The following TECPR1 variants were observed in gnomAD, a reference collection of about 807,000 sequenced individuals.
TECPR1 encodes tectonin beta-propeller repeat-containing protein 1.
Under a neutral mutation model 162.4 loss-of-function variants are expected in TECPR1, and 122 were observed. The observed-to-expected ratio is 0.75, with a 90% CI of 0.65 to 0.87. TECPR1 has a LOEUF of 0.87. Ranked by LOEUF, TECPR1 falls within the 40% of genes least tolerant of loss-of-function variation. The probability of loss-of-function intolerance (pLI) is 0.00; values close to 1 mark genes in which losing one functional copy is unlikely to be tolerated. For missense variants in TECPR1, 1,432 were observed against 1,618.2 expected, an observed-to-expected ratio of 0.88 and a Z score of 1.97; for synonymous variants, 642 against 670.6, an observed-to-expected ratio of 0.96 and a Z score of 0.66.
rs199727325 is a variant in TECPR1 at position 98,232,960 on chromosome 7, G to A, written c.1685C>T (p.Ser562Leu). The A allele has an allele frequency of 1.3e-4, 204 of 1,611,190 alleles. No homozygotes were observed. The African/African-American group carries it at 2.2e-3, about 17-fold the overall frequency. Residue 562 changes from serine (S) to leucine (L), a missense_variant, in exon 12 of 26, where the codon TCG (serine) becomes TTG (leucine). Coordinates refer to ENST00000447648, the MANE Select transcript of TECPR1 (RefSeq NM_015395.3). This position sits in a 1 kb window ranked among gnomAD's most constrained non-coding sequence, Gnocchi z 4.6. ...WFTVQAGLSSSVHMLSLSITP... is the reference protein window; with the variant it reads ...WFTVQAGLSSLVHMLSLSITP... ...GATGGACAGGGACAGCATGTGTACC[G>A]AGGAGGACAGGCCTGTGGGGCAGAG...
At chr7:98,225,507 C>T (rs1449366629) in intron 17 of TECPR1, among the ~76,000 whole-genome samples, 1 of 151,434 alleles carries the variant, frequency 6.6e-6, no homozygotes, top group African/African-American at 2.4e-5. Flanking sequence ...TACGCCACTG[C>T]ACTCCAGCCT....
chr7:98,231,742 C>A, intron 13 of TECPR1, 62 bp downstream of exon 13: 1 of 1,570,710 alleles, frequency 6.4e-7, no homozygotes, highest in Admixed American at 1.7e-5. Flanking sequence ...CTGTACCCCT[C>A]CTCTAGCACC....
chr7:98,246,647 T>C (rs1321500420), intron 2 of TECPR1, among the ~76,000 whole-genome samples: 32 of 151,768 alleles, frequency 2.1e-4, no homozygotes, highest in Non-Finnish European at 8.8e-5. Flanking sequence ...AATGGCACGA[T>C]CTTGGGATCT....
At chr7:98,242,029 G>A (rs1798762735) in intron 6 of TECPR1, among the ~76,000 whole-genome samples, 1 of 152,172 alleles carries the variant, frequency 6.6e-6, no homozygotes, top group African/African-American at 2.4e-5. Context: ...GCATCCAGAT[G>A]GCCATGGCCC....
chr7:98,219,485 A>C (rs998434266), intron 23 of TECPR1, among the ~76,000 whole-genome samples: 1 of 152,274 alleles, frequency 6.6e-6, no homozygotes, highest in African/African-American at 2.4e-5. Flanking sequence ...CAAACTATGC[A>C]ACTGACAAAG....
intron 15 of TECPR1, 61 bp downstream of exon 15, chr7:98,230,900 G>A (rs1584335370): frequency 6.4e-7 from 1 of 1,557,056 alleles, no homozygotes; most frequent in Non-Finnish European, 8.7e-7. Context: ...TCCCCCTTCT[G>A]TAACCACGAG....
chr7:98,246,266 T>TTC, intron 2 of TECPR1, 101 bp from the exon 3 acceptor site: 1 of 734,094 alleles, frequency 1.4e-6, no homozygotes, highest in Non-Finnish European at 2.1e-6. Flanking sequence ...TTTATTCTTT[T>TTC]TCTCTTTTTT....
At chr7:98,234,079 G>A (rs1798529581) in intron 10 of TECPR1, among the ~76,000 whole-genome samples, 168 bp from the exon 11 acceptor site, 1 of 152,248 alleles carries the variant, frequency 6.6e-6, no homozygotes, top group Admixed American at 6.5e-5. Flanking sequence ...ATCAGCACCT[G>A]CTTCCAGGGA....
Position 98,217,704 on chromosome 7 carries a change from G to A in TECPR1, c.3372C>T (p.Asp1124=). Residue 1124 remains aspartate, a synonymous_variant, in exon 25 of 26, where the codon GAC becomes GAT. Coordinates refer to ENST00000447648, the MANE Select transcript of TECPR1 (RefSeq NM_015395.3). ...GGGCCCCGCTCACCCCGATGCCGTA[G>A]TCCCAGCCGTGGCCCTTGGGCTCGT... ...QPHEPKGHGW[D]YGIGGGWDHI... is the part of the protein sequence containing the mutation. 6.5e-7 allele frequency: 1 copy of A among 1,545,914 alleles called. No individual in the cohort carries two copies. The highest frequency in any genetic ancestry group is 8.7e-7 in the Non-Finnish European group (1 of 1,144,422).
In TECPR1 at chr7:98,236,836, G is replaced by C. The variant is rs1466275667; in HGVS notation, c.1121C>G (p.Ala374Gly). Residue 374 changes from alanine (A) to glycine (G), a missense_variant, in exon 10 of 26, where the codon GCC (alanine) becomes GGC (glycine). By Grantham distance (60) the Ala-to-Gly change is moderately conservative (BLOSUM62 0). Coordinates refer to ENST00000447648, the MANE Select transcript of TECPR1 (RefSeq NM_015395.3). ...GTCACACTCTCGGGCCGCGATGATG[G>C]CTTTCCAGGTCTTCCCACTGAGCTC... Reference protein sequence around the residue: ...PSELSGKTWKAIIAARECDRS... With the variant: ...PSELSGKTWKGIIAARECDRS... 1.3e-6 allele frequency: 2 copies of C among 1,588,342 alleles called. No individual in the cohort carries two copies. The highest frequency in any genetic ancestry group is 2.3e-5 in the South Asian group (2 of 86,790).
intron 3 of TECPR1, 79 bp downstream of exon 3, chr7:98,245,843 T>A: frequency 7.5e-7 from 1 of 1,329,220 alleles, no homozygotes. Context: ...GGCCTCTATT[T>A]CCCTTCTGTG....
chr7:98,215,079 C>T lies in TECPR1; in HGVS notation c.*2311G>A, dbSNP rs542706134. ...TTTATCCCGTGGGGAGCCCCTGCCT[C>T]GGCCATCGGGATGAGGTCCCTCAAG... On this transcript the variant is annotated 3_prime_UTR_variant, in exon 26 of 26. Coordinates refer to ENST00000447648, the MANE Select transcript of TECPR1 (RefSeq NM_015395.3). The T allele has an allele frequency of 9.2e-5, 14 of 152,340 alleles. No individual in the cohort carries two copies. The highest frequency in any genetic ancestry group is 2.1e-4 in the Non-Finnish European group (14 of 68,124). 9.4% of individuals were successfully genotyped at this position (152,340 alleles called of 1,614,324 possible).
chr7:98,226,307 TG>T (rs1189351035), intron 17 of TECPR1, among the ~76,000 whole-genome samples: 1 of 152,246 alleles, frequency 6.6e-6, no homozygotes, highest in Non-Finnish European at 1.5e-5. Context: ...CCTGATTTAC[TG>T]GGGTAAACAC....
chr7:98,229,721 C>T (rs1798371692), intron 15 of TECPR1, among the ~76,000 whole-genome samples: 1 of 152,158 alleles, frequency 6.6e-6, no homozygotes, highest in African/African-American at 2.4e-5. Context: ...GCGGCCGAGG[C>T]CCTGTCACTG....
chr7:98,229,992 CTT>C (rs762228240), intron 15 of TECPR1, among the ~76,000 whole-genome samples: 1 of 139,680 alleles, frequency 7.2e-6, no homozygotes. Flanking sequence ...CCCTTTGTGG[CTT>C]TTTTTTTTTT....
intron 21 of TECPR1, 50 bp downstream of exon 21, chr7:98,222,940 C>T: frequency 6.3e-7 from 1 of 1,597,612 alleles, no homozygotes; most frequent in African/African-American, 1.3e-5. Context: ...TGCCGGACTC[C>T]AGAGCAAAGG....
chr7:98,219,952 C>T (rs962919055), intron 23 of TECPR1, among the ~76,000 whole-genome samples: 2 of 151,934 alleles, frequency 1.3e-5, no homozygotes, highest in African/African-American at 4.8e-5. Context: ...TGAAAAAATG[C>T]TCAACACCAC....
At chr7:98,231,752 C>A in intron 13 of TECPR1, 52 bp downstream of exon 13, 1 of 1,589,596 alleles carries the variant, frequency 6.3e-7, no homozygotes, top group East Asian at 2.3e-5. Flanking sequence ...CCTCTAGCAC[C>A]CCAGCCCTGT....
At chr7:98,226,320 C>T (rs1203660616) in intron 17 of TECPR1, among the ~76,000 whole-genome samples, 2 of 152,254 alleles carry the variant, frequency 1.3e-5, no homozygotes, top group Admixed American at 6.5e-5. Context: ...GGTAAACACA[C>T]AGACACACAA....
Sources: allele counts gnomAD v4.1 joint callset (sites outside exome capture counted in the v4.1 genomes callset), GRCh38; gene constraint gnomAD v4.1.1; non-coding constraint Gnocchi (gnomAD v3.1); transcripts MANE v1.5; gene names NCBI Gene and HGNC (gene_info 2026-07-23, HGNC 2026-07-21).